Variants in PDE10A observed in about 807,000 individuals in gnomAD.
PDE10A encodes the protein phosphodiesterase 10A.
Under a neutral mutation model 97.7 loss-of-function variants are expected in PDE10A, and 39 were observed. The observed-to-expected ratio is 0.40, with a 90% CI of 0.31 to 0.52. PDE10A has a LOEUF of 0.52. Among genes scored for constraint, PDE10A ranks in the 20% least tolerant of loss-of-function variants. The pLI, the probability that PDE10A is intolerant of heterozygous loss-of-function variation, is 0.56. For synonymous variants in PDE10A, 371 were observed against 376.8 expected (o/e 0.98, Z 0.18); for missense variants, 731 against 1,047.8 (o/e 0.70, Z 4.17).
chr6:165,361,260 T>C lies in PDE10A; in HGVS notation c.2784-17758A>G, dbSNP rs887175128. On this transcript the variant is annotated intron_variant, in intron 18 of 21. Transcript: ENST00000539869. ...AAACACCACAGAATATATATTCTTT[T>C]TGAGTACAGATGGAACATCCCCCAG... 8.5e-5 allele frequency among the ~76,000 whole-genome samples: 13 copies of C among 152,288 alleles called. No homozygotes were observed. In the East Asian group the frequency reaches 1.2e-3, roughly 14 times the overall value.
exon 1 of PDE10A, chr6:165,987,774 C>G (rs753763300): frequency 2.4e-5 from 11 of 453,224 alleles, no homozygotes; most frequent in South Asian, 1.7e-4. Flanking sequence ...TTGGGGCACT[C>G]TGGGGTGCGC....
At chr6:165,514,747 C>G (rs1012848029) in intron 2 of PDE10A, among the ~76,000 whole-genome samples, 5 of 152,148 alleles carry the variant, frequency 3.3e-5, no homozygotes, top group African/African-American at 1.2e-4. Context: ...ACCTCTGGAC[C>G]AACTACTAGA....
intron 18 of PDE10A, among the ~76,000 whole-genome samples, chr6:165,364,314 C>T (rs865952330): frequency 6.6e-6 from 1 of 152,152 alleles, no homozygotes; most frequent in African/African-American, 2.4e-5. Flanking sequence ...AGAGCTCCCT[C>T]CCTTCTTCCA....
chr6:165,685,962 A>G (rs1791103400), intron 1 of PDE10A, among the ~76,000 whole-genome samples: 1 of 152,216 alleles, frequency 6.6e-6, no homozygotes, highest in Admixed American at 6.5e-5. Flanking sequence ...AAAAAAATTA[A>G]TAATAAAGAA....
chr6:165,437,681 C>G (rs1790120585), intron 5 of PDE10A, among the ~76,000 whole-genome samples: 1 of 152,142 alleles, frequency 6.6e-6, no homozygotes, highest in Admixed American at 6.5e-5. Flanking sequence ...TAAATGCTAA[C>G]CAAACATTGA....
chr6:165,458,691 A>G (rs577954823), intron 3 of PDE10A, among the ~76,000 whole-genome samples: 74 of 152,086 alleles, frequency 4.9e-4, no homozygotes, highest in African/African-American at 1.5e-3. Context: ...ACACTCACAC[A>G]CACACACACG....
intron 3 of PDE10A, among the ~76,000 whole-genome samples, chr6:165,450,699 G>A (rs1050786923): frequency 2.6e-5 from 4 of 151,834 alleles, no homozygotes; most frequent in African/African-American, 9.7e-5. Context: ...GAGACTACAG[G>A]CACACACCAC....
At chr6:165,693,172 C>G (rs1199513288) in intron 1 of PDE10A, among the ~76,000 whole-genome samples, 3 of 152,138 alleles carry the variant, frequency 2.0e-5, no homozygotes, top group Admixed American at 6.5e-5. Flanking sequence ...ATGTTTATAT[C>G]AGATACTCAT....
At chr6:165,693,528 C>CAA (rs55830575) in intron 1 of PDE10A, among the ~76,000 whole-genome samples, 22,892 of 56,684 alleles carry the variant, frequency 0.4, 4,654 homozygotes, top group Non-Finnish European at 0.51. Flanking sequence ...GAGGCTCCAC[C>CAA]AAAAAAAAAA....
intron 20 of PDE10A, among the ~76,000 whole-genome samples, chr6:165,337,588 A>G (rs946846242): frequency 6.6e-6 from 1 of 152,246 alleles, no homozygotes; most frequent in African/African-American, 2.4e-5. Context: ...AAATTAGAGT[A>G]TTTCATTATT....
chr6:165,522,256 C>CA (rs1375555437), intron 2 of PDE10A, among the ~76,000 whole-genome samples: 1 of 151,702 alleles, frequency 6.6e-6, no homozygotes, highest in South Asian at 2.1e-4. Context: ...GAAACAACTC[C>CA]AAAAAAAATT....
At chr6:165,538,736 G>C (rs540520217) in intron 2 of PDE10A, among the ~76,000 whole-genome samples, 2 of 152,286 alleles carry the variant, frequency 1.3e-5, no homozygotes, top group Admixed American at 6.5e-5. Context: ...AACGGCATTA[G>C]TGGTGGGAAA....
intron 1 of PDE10A, among the ~76,000 whole-genome samples, chr6:165,640,828 A>T (rs1162462965): frequency 6.6e-6 from 1 of 152,278 alleles, no homozygotes; most frequent in Admixed American, 6.5e-5. Flanking sequence ...CAAGAATAAT[A>T]TAACTCATCT....
chr6:165,678,157 CTGTG>C (rs1480714421), intron 1 of PDE10A, among the ~76,000 whole-genome samples: 1 of 2,774 alleles, frequency 3.6e-4, no homozygotes, highest in Non-Finnish European at 9.0e-4. Flanking sequence ...GTGTGTCTCT[CTGTG>C]TGTATGTATG....
intron 1 of PDE10A, among the ~76,000 whole-genome samples, chr6:165,758,648 AGAGGAGGAG>A (rs970506248): frequency 6.7e-6 from 1 of 149,508 alleles, no homozygotes; most frequent in Admixed American, 6.7e-5. Flanking sequence ...GGAAGAAGGA[AGAGGAGGAG>A]GAGGAAGAGG....
intron 1 of PDE10A, among the ~76,000 whole-genome samples, chr6:165,924,564 A>C (rs1782868912): frequency 6.6e-6 from 1 of 152,144 alleles, no homozygotes; most frequent in African/African-American, 2.4e-5. Flanking sequence ...GGGACAGAAG[A>C]TCTCCCTCTG....
intron 1 of PDE10A, among the ~76,000 whole-genome samples, chr6:165,654,508 C>T (rs1355671512): frequency 6.9e-6 from 1 of 144,190 alleles, no homozygotes; most frequent in East Asian, 1.9e-4. Context: ...AAGGTTCCCT[C>T]TCTGAGGAAA....
Position 165,391,652 on chromosome 6 carries a change from T to C in PDE10A, c.2454+994A>G, listed in dbSNP as rs146429080. 4.6e-3 allele frequency among the ~76,000 whole-genome samples: 700 copies of C among 152,256 alleles called. 4 individuals are homozygous for C. The highest frequency in any genetic ancestry group is 0.016 in the African/African-American group (661 of 41,550). On this transcript the variant is annotated intron_variant, in intron 16 of 21. Transcript: ENST00000539869. ...AATTACTGATCAGGCTAAACTCCAC[T>C]TGAACTAAAGATTGTTTTAAAAAAA...
intron 1 of PDE10A, among the ~76,000 whole-genome samples, chr6:165,907,416 G>A (rs986106946): frequency 2.0e-5 from 3 of 152,236 alleles, no homozygotes; most frequent in East Asian, 1.9e-4. Context: ...CGGGAGCCTC[G>A]CGTTGCTGGA....
Sources: gnomAD v4.1 joint callset for allele counts (sites outside exome capture counted in the v4.1 genomes callset) on GRCh38, gnomAD v4.1.1 for gene constraint, MANE v1.5 for transcripts, NCBI Gene and HGNC (gene_info 2026-07-23, HGNC 2026-07-21) for gene names.